KALRN: variants seen among roughly 807,000 people sequenced by gnomAD.
The protein encoded by KALRN is kalirin.
A neutral mutation model predicts 353.7 loss-of-function variants in KALRN; 70 were observed. The ratio of observed to expected loss-of-function variants is 0.20; its 90% CI spans 0.16 to 0.24. The LOEUF (loss-of-function observed/expected upper bound fraction) is 0.24. Ranked by LOEUF, KALRN falls within the 10% of genes least tolerant of loss-of-function variation. The probability of loss-of-function intolerance (pLI) is 1.00; values close to 1 mark genes in which losing one functional copy is unlikely to be tolerated. For synonymous variants in KALRN, 1,391 were observed against 1,434.8 expected, an observed-to-expected ratio of 0.97 and a Z score of 0.69; for missense variants, 2,791 against 3,756.7, an observed-to-expected ratio of 0.74 and a Z score of 6.72.
At chr3:124,056,485 G>A (rs2041551991) in intron 1 of KALRN, among the ~76,000 whole-genome samples, 1 of 152,168 alleles carries the variant, frequency 6.6e-6, no homozygotes, top group Non-Finnish European at 1.5e-5. Context: ...CTGGGCCTGA[G>A]TTTCTTCACT....
At chr3:124,553,128 C>T (rs1490904914) in intron 33 of KALRN, among the ~76,000 whole-genome samples, 1 of 152,202 alleles carries the variant, frequency 6.6e-6, no homozygotes, top group African/African-American at 2.4e-5. Flanking sequence ...ATCTCAAGTG[C>T]ATGCCAAGTT....
At chr3:124,220,981 C>T (rs1314813290) in intron 1 of KALRN, among the ~76,000 whole-genome samples, 1 of 152,228 alleles carries the variant, frequency 6.6e-6, no homozygotes, top group Non-Finnish European at 1.5e-5. Context: ...CAGCCAGATT[C>T]CACCCAGCTC....
At chr3:124,288,985 A>G (rs147712402) in intron 5 of KALRN, among the ~76,000 whole-genome samples, 28 of 152,346 alleles carry the variant, frequency 1.8e-4, no homozygotes, top group African/African-American at 6.7e-4. Flanking sequence ...ATAATGCCTG[A>G]GACTAGGTAA....
intron 25 of KALRN, 47 bp from the exon 26 acceptor site, chr3:124,474,616 G>A: frequency 2.0e-6 from 3 of 1,493,818 alleles, no homozygotes; most frequent in Admixed American, 3.3e-5. Flanking sequence ...CCTCTGGGGG[G>A]TCAGCTGCAC....
chr3:124,153,482 G>T (rs1489257640), intron 1 of KALRN, among the ~76,000 whole-genome samples: 1 of 150,354 alleles, frequency 6.7e-6, no homozygotes, highest in East Asian at 1.9e-4. Flanking sequence ...ATTCCATGGT[G>T]TATATGTGCC....
At chr3:124,442,097 C>T (rs544710145) in intron 19 of KALRN, 38 bp downstream of exon 19, 34 of 1,306,240 alleles carry the variant, frequency 2.6e-5, no homozygotes, top group African/African-American at 4.5e-5. Flanking sequence ...GTCACTTCAG[C>T]GACAGCCCCT....
In KALRN at chr3:124,496,417, G is replaced by A. The variant is rs1322217259; in HGVS notation, c.4935+4G>A. 17 of 1,605,420 alleles carry A rather than the reference G, an allele frequency of 1.1e-5. No homozygotes were observed. Among genetic ancestry groups the A allele is most frequent in the Non-Finnish European group, 1.5e-5 (17 of 1,172,332 alleles). The stretch of plus-strand genomic sequence containing the variant: ...GAACACAGTGGACAGTGACAAGGTA[G>A]GACAGAGTCCTAACCTTCCTTCCCC... On this transcript the variant is annotated splice_donor_region_variant and intron_variant, in intron 33 of 59. Coordinates refer to ENST00000682506, the MANE Select transcript of KALRN (RefSeq NM_001388419.1).
Position 124,650,835 on chromosome 3 carries a change from A to G in KALRN, c.5692A>G (p.Ser1898Gly). ...LSLEGSSYRG[S>G]LKDPAGCLNE... is the part of the protein sequence containing the mutation. Reference sequence around the variant, plus strand: ...TCTAGAAGGAAGCTCATACCGGGGGAGCTTGAAAGACCCTGCAGGCTGCCT... The same window carrying G: ...TCTAGAAGGAAGCTCATACCGGGGGGGCTTGAAAGACCCTGCAGGCTGCCT... The change falls in exon 38 of 60, where the codon AGC becomes GGC. Residue 1898 changes from serine to glycine, a missense_variant. Ser to Gly is a moderately conservative substitution (Grantham distance 56). Transcript: ENST00000682506. 1 of 1,613,696 alleles carries G rather than the reference A, an allele frequency of 6.2e-7. No individual in the cohort carries two copies. The highest frequency in any genetic ancestry group is 8.5e-7 in the Non-Finnish European group (1 of 1,179,674).
Position 124,548,815 on chromosome 3 carries a change from G to A in KALRN, c.4936-14028G>A, listed in dbSNP as rs558507441. 4.5e-3 allele frequency among the ~76,000 whole-genome samples: 680 copies of A among 152,252 alleles called. 3 individuals are homozygous for A. The highest frequency in any genetic ancestry group is 7.3e-3 in the Non-Finnish European group (495 of 68,018). Reference sequence around the variant, plus strand: ...ATTACAGGCATGTGCCACCACGCCCGGCTAATTTTTGTATTTTTAGCAGAG... The same window carrying A: ...ATTACAGGCATGTGCCACCACGCCCAGCTAATTTTTGTATTTTTAGCAGAG... On this transcript the variant is annotated intron_variant, in intron 33 of 59. Coordinates refer to ENST00000682506, the MANE Select transcript of KALRN (RefSeq NM_001388419.1).
chr3:124,674,763 A>T, intron 49 of KALRN, 149 bp downstream of exon 49: 1 of 815,206 alleles, frequency 1.2e-6, no homozygotes, highest in Admixed American at 3.6e-5. Context: ...TTGAGTGCTG[A>T]CACCATATGC....
chr3:124,053,332 A>G (rs2041218499), intron 1 of KALRN, among the ~76,000 whole-genome samples: 1 of 152,260 alleles, frequency 6.6e-6, no homozygotes, highest in Non-Finnish European at 1.5e-5. Context: ...AATTCTAGAT[A>G]GGAAACTACT....
At position 124,491,328 on chromosome 3, in the gene KALRN, A is replaced by C. The variant is rs1187371144; in HGVS notation, c.4593A>C (p.Ser1531=). Residue 1531 remains serine, a synonymous_variant, in exon 31 of 60, where the codon TCA becomes TCC. Transcript: ENST00000682506. ...KYVYKNKLLT[S]ELGVTEHVEG... ...TAGGCATTTCCTGTCTACAGACCTC[A>C]GAGCTGGGTGTGACCGAGCACGTGG... 2.4e-5 allele frequency: 39 copies of C among 1,599,978 alleles called. No individual in the cohort carries two copies. The highest frequency in any genetic ancestry group is 3.2e-5 in the Non-Finnish European group (37 of 1,172,746).
intron 1 of KALRN, among the ~76,000 whole-genome samples, chr3:124,175,013 C>A (rs1161864711): frequency 1.3e-5 from 2 of 152,316 alleles, no homozygotes; most frequent in African/African-American, 4.8e-5. Flanking sequence ...CTGGCAGGAC[C>A]AGTGTCCCAT....
At chr3:124,415,137 T>C (rs1233841748) in intron 14 of KALRN, among the ~76,000 whole-genome samples, 2 of 152,206 alleles carry the variant, frequency 1.3e-5, no homozygotes, top group East Asian at 3.9e-4. Context: ...CCAGGCCTAT[T>C]CACAGGTATG....
At chr3:124,282,853 T>G (rs2075481671) in intron 5 of KALRN, among the ~76,000 whole-genome samples, 2 of 152,320 alleles carry the variant, frequency 1.3e-5, no homozygotes, top group South Asian at 4.1e-4. Context: ...CTTGTGGATG[T>G]GCCCAGCCTG....
chr3:124,479,019 A>G (rs1247026617), intron 27 of KALRN, among the ~76,000 whole-genome samples: 1 of 152,200 alleles, frequency 6.6e-6, no homozygotes, highest in Non-Finnish European at 1.5e-5. Context: ...TATCTTTGTT[A>G]TAGCATTTGT....
chr3:124,366,882 G>C (rs1177717916), intron 10 of KALRN, among the ~76,000 whole-genome samples: 1 of 126,202 alleles, frequency 7.9e-6, no homozygotes, highest in Non-Finnish European at 1.6e-5. Context: ...CGGGCGGGGG[G>C]CTGACCCCCC....
chr3:124,050,018 T>A (rs2040878281), intron 1 of KALRN, among the ~76,000 whole-genome samples: 1 of 152,220 alleles, frequency 6.6e-6, no homozygotes, highest in African/African-American at 2.4e-5. Flanking sequence ...GTTCCTCCAC[T>A]TCTCTTCAGA....
intron 15 of KALRN, among the ~76,000 whole-genome samples, chr3:124,424,840 T>C (rs1015842941): frequency 6.6e-6 from 1 of 152,234 alleles, no homozygotes; most frequent in Non-Finnish European, 1.5e-5. Flanking sequence ...AGTGGTGTTA[T>C]GCTTACTTTT....
Sources: gnomAD v4.1 joint callset for allele counts (sites outside exome capture counted in the v4.1 genomes callset) on GRCh38, gnomAD v4.1.1 for gene constraint, MANE v1.5 for transcripts, NCBI Gene and HGNC (gene_info 2026-07-23, HGNC 2026-07-21) for gene names.